Variants in PLCL2 observed in about 807,000 individuals in gnomAD.
PLCL2 encodes phospholipase C like 2.
Under a neutral mutation model 79.6 loss-of-function variants are expected in PLCL2, and 4 were observed. That is an observed-to-expected ratio of 0.05 (90% CI 0.02 to 0.11). The LOEUF (loss-of-function observed/expected upper bound fraction) is 0.11. Ranked by LOEUF, PLCL2 falls within the 10% of genes least tolerant of loss-of-function variation. The pLI, the probability that PLCL2 is intolerant of heterozygous loss-of-function variation, is 1.00. For missense variants in PLCL2, 895 were observed against 1,291.0 expected (o/e 0.69, Z 4.70); for synonymous variants, 484 against 457.7 (o/e 1.06, Z -0.73).
At chr3:17,035,829 G>A in intron 3 of PLCL2, 1 of 506,284 alleles carries the variant, frequency 2.0e-6, no homozygotes, top group Non-Finnish European at 4.0e-6. Context: ...TCAAGTCCTG[G>A]CCTTCCACAT....
At chr3:16,956,954 A>G (rs1042972475) in intron 1 of PLCL2, among the ~76,000 whole-genome samples, 2 of 151,916 alleles carry the variant, frequency 1.3e-5, no homozygotes, top group Non-Finnish European at 2.9e-5. Flanking sequence ...CAGTCTATCA[A>G]TTTTGTCCAT....
Position 16,887,166 on chromosome 3 carries a change from A to G in PLCL2, c.327+1800A>G, listed in dbSNP as rs1696244884. 6.6e-6 allele frequency among the ~76,000 whole-genome samples: 1 copy of G among 152,230 alleles called. No homozygotes were observed. The highest frequency in any genetic ancestry group is 1.5e-5 in the Non-Finnish European group (1 of 68,034). ...CTAGAAGCACATGGGGGAAATGATT[A>G]ATGTTCAAAAATCACTGATTTTAGA... On this transcript the variant is annotated intron_variant, in intron 1 of 5. Coordinates refer to ENST00000615277, the MANE Select transcript of PLCL2 (RefSeq NM_001144382.2). This position sits in a 1 kb window ranked among gnomAD's most constrained non-coding sequence, Gnocchi z 4.1.
intron 1 of PLCL2, among the ~76,000 whole-genome samples, chr3:16,955,994 T>G (rs2063701402): frequency 6.6e-6 from 1 of 152,214 alleles, no homozygotes; most frequent in South Asian, 2.1e-4. Context: ...TTTGACTTCC[T>G]CTTTTCCTAA....
At chr3:17,059,450 G>GTGTGTGTATATATATATACACT (rs149375146) in intron 4 of PLCL2, among the ~76,000 whole-genome samples, 10 of 147,190 alleles carry the variant, frequency 6.8e-5, no homozygotes, top group East Asian at 4.0e-4. Context: ...ATGTGTGTGT[G>GTGTGTGTATATATATATACACT]TGTATATATA....
At chr3:16,943,733 A>G (rs1234822126) in intron 1 of PLCL2, among the ~76,000 whole-genome samples, 2 of 152,190 alleles carry the variant, frequency 1.3e-5, no homozygotes, top group Admixed American at 1.3e-4. Context: ...GCTCTGTATC[A>G]TTGTTTTAAG....
chr3:17,052,546 T>G (rs931027292), intron 4 of PLCL2, among the ~76,000 whole-genome samples: 6 of 152,212 alleles, frequency 3.9e-5, no homozygotes, highest in African/African-American at 1.4e-4. Context: ...GTACTGGTAC[T>G]GTATGGAAGC....
At chr3:17,029,279 C>T (rs955308052) in intron 3 of PLCL2, among the ~76,000 whole-genome samples, 2 of 151,748 alleles carry the variant, frequency 1.3e-5, no homozygotes, top group African/African-American at 4.8e-5. Context: ...GATGTCTCCC[C>T]AGCTTTTATC....
At position 17,009,608 on chromosome 3, in the gene PLCL2, T is replaced by G. The variant is rs893060090; in HGVS notation, c.328-66T>G. The G allele has an allele frequency of 9.9e-6, 8 of 807,486 alleles. No individual in the cohort carries two copies. Among genetic ancestry groups the G allele is most frequent in the Non-Finnish European group, 1.5e-5 (8 of 528,250 alleles). 50.0% of individuals were successfully genotyped at this position (807,486 alleles called of 1,614,324 possible). Reference sequence around the variant, plus strand: ...TTTTTCTAGGAAATTAAATTTCTATTCATAATCTTGAACATAGAAACCTAT... The same window carrying G: ...TTTTTCTAGGAAATTAAATTTCTATGCATAATCTTGAACATAGAAACCTAT... On this transcript the variant is annotated intron_variant, in intron 1 of 5. Coordinates refer to ENST00000615277, the MANE Select transcript of PLCL2 (RefSeq NM_001144382.2). The surrounding 1 kb of genome is among the most constrained non-coding windows in gnomAD (Gnocchi z 4.0).
At chr3:16,953,756 C>T (rs918981199) in intron 1 of PLCL2, among the ~76,000 whole-genome samples, 1 of 151,980 alleles carries the variant, frequency 6.6e-6, no homozygotes, top group Admixed American at 6.6e-5. Context: ...ACTTTAAAAA[C>T]CTCCATAGTT....
In PLCL2 at chr3:17,056,919, G is replaced by A. The variant is rs1446568827; in HGVS notation, c.3095-11037G>A. ...ATGCAGGATTTGTATAAGTTAAGCAGAAGGAACAGGGCATTTTAGATGGGC... is the reference window on the plus strand; with the variant it reads ...ATGCAGGATTTGTATAAGTTAAGCAAAAGGAACAGGGCATTTTAGATGGGC... On this transcript the variant is annotated intron_variant, in intron 4 of 5. Coordinates refer to ENST00000615277, the MANE Select transcript of PLCL2 (RefSeq NM_001144382.2). 2.0e-5 allele frequency among the ~76,000 whole-genome samples: 3 copies of A among 152,136 alleles called. No homozygotes were observed. In the East Asian group the frequency reaches 5.8e-4, roughly 29 times the overall value.
intron 1 of PLCL2, among the ~76,000 whole-genome samples, chr3:16,956,823 G>T (rs1403271537): frequency 6.6e-6 from 1 of 152,170 alleles, no homozygotes; most frequent in Non-Finnish European, 1.5e-5. Context: ...GCGTAGAGGT[G>T]TTTGTAGTAT....
chr3:16,893,701 A>G lies in PLCL2; in HGVS notation c.327+8335A>G, dbSNP rs563420973. Among the ~76,000 whole-genome samples, 49 of 152,384 alleles carry G rather than the reference A, an allele frequency of 3.2e-4. 1 individual carries two copies. In the South Asian group the frequency reaches 0.01, roughly 32 times the overall value. ...AAAATTTGTTATGTAATACTGCAGT[A>G]TGTGAGTATTAATAGAACAAGATGT... On this transcript the variant is annotated intron_variant, in intron 1 of 5. Coordinates refer to ENST00000615277, the MANE Select transcript of PLCL2 (RefSeq NM_001144382.2).
At chr3:17,027,531 C>T (rs139629939) in intron 3 of PLCL2, among the ~76,000 whole-genome samples, 179 of 152,342 alleles carry the variant, frequency 1.2e-3, no homozygotes, top group African/African-American at 4.0e-3. Flanking sequence ...TTTGCCAACA[C>T]TTCCAAAAGT....
chr3:16,970,889 G>A (rs1000677001), intron 1 of PLCL2, among the ~76,000 whole-genome samples: 20 of 150,992 alleles, frequency 1.3e-4, no homozygotes, highest in African/African-American at 2.7e-4. Flanking sequence ...CATGTCCTTC[G>A]CCCACTTTTT....
chr3:16,902,579 C>A (rs1696647589), intron 1 of PLCL2, among the ~76,000 whole-genome samples: 1 of 152,126 alleles, frequency 6.6e-6, no homozygotes. Context: ...GTAATCCCAG[C>A]ACTTTAGGAT....
chr3:16,998,754 G>A (rs1371798229), intron 1 of PLCL2, among the ~76,000 whole-genome samples: 1 of 152,174 alleles, frequency 6.6e-6, no homozygotes, highest in Non-Finnish European at 1.5e-5. Flanking sequence ...TGTGAAAGCA[G>A]TATTGTATGT....
intron 3 of PLCL2, among the ~76,000 whole-genome samples, chr3:17,036,160 C>A (rs893588629): frequency 2.7e-4 from 41 of 152,276 alleles, no homozygotes; most frequent in South Asian, 2.1e-4. Context: ...GGCACCAGCT[C>A]TCTGTCCTCC....
At chr3:17,056,254 A>G (rs1304154736) in intron 4 of PLCL2, among the ~76,000 whole-genome samples, 1 of 152,172 alleles carries the variant, frequency 6.6e-6, no homozygotes, top group Non-Finnish European at 1.5e-5. Context: ...AAGAACTACA[A>G]TTCAAGTAAA....
At position 16,890,125 on chromosome 3, in the gene PLCL2, A is replaced by G. The variant is rs185153042; in HGVS notation, c.327+4759A>G. On this transcript the variant is annotated intron_variant, in intron 1 of 5. Coordinates refer to ENST00000615277, the MANE Select transcript of PLCL2 (RefSeq NM_001144382.2). ...CATGGTTGCTTGTTTTAGCCTGCTC[A>G]AAGAGCTTTTGTCACAATTCAGTTT... is the stretch of plus-strand genomic sequence containing the variant. 1.6e-3 allele frequency among the ~76,000 whole-genome samples: 247 copies of G among 152,358 alleles called. 1 individual carries two copies. Among genetic ancestry groups the G allele is most frequent in the Admixed American group, 0.012 (185 of 15,298 alleles).
Sources: gnomAD v4.1 joint callset for allele counts (sites outside exome capture counted in the v4.1 genomes callset) on GRCh38, gnomAD v4.1.1 for gene constraint, Gnocchi (gnomAD v3.1) non-coding constraint, MANE v1.5 for transcripts, NCBI Gene and HGNC (gene_info 2026-07-23, HGNC 2026-07-21) for gene names.